DLGAP4: variants seen among roughly 807,000 people sequenced by gnomAD.
DLGAP4 encodes DLG associated protein 4, also known as disks large-associated protein 4.
In DLGAP4, 18 loss-of-function variants were observed where a neutral mutation model predicts 86.9. The observed-to-expected ratio is 0.21, with a 90% confidence interval of 0.14 to 0.31. DLGAP4 has a LOEUF of 0.31. Among genes scored for constraint, DLGAP4 ranks in the 10% least tolerant of loss-of-function variants. The pLI is 1.00. For missense variants in DLGAP4, 1,085 were observed against 1,362.6 expected, an observed-to-expected ratio of 0.80 and a Z score of 3.21; for synonymous variants, 548 against 574.3, an observed-to-expected ratio of 0.95 and a Z score of 0.65.
At chr20:36,416,705 T>C (rs538951621) in intron 2 of DLGAP4, among the ~76,000 whole-genome samples, 17 of 152,192 alleles carry the variant, frequency 1.1e-4, no homozygotes, top group Non-Finnish European at 2.5e-4. Flanking sequence ...TCTCTGAGCT[T>C]CAAGGATTTT....
intron 2 of DLGAP4, among the ~76,000 whole-genome samples, chr20:36,367,598 G>C (rs534959549): frequency 6.6e-6 from 1 of 152,190 alleles, no homozygotes; most frequent in African/African-American, 2.4e-5. Flanking sequence ...AGCAGGCGGG[G>C]ACAGGTTGTG....
In DLGAP4 at chr20:36,311,532, A is replaced by C. The variant is rs980801615; in HGVS notation, c.-304+5020A>C. Among the ~76,000 whole-genome samples the C allele has an allele frequency of 3.6e-3, 547 of 152,236 alleles. 3 individuals carry two copies. The highest frequency in any genetic ancestry group is 4.7e-3 in the Non-Finnish European group (317 of 67,994). On this transcript the variant is annotated intron_variant, in intron 1 of 12. Coordinates refer to ENST00000339266, the MANE Select transcript of DLGAP4 (RefSeq NM_001365621.2). The stretch of plus-strand genomic sequence containing the variant: ...GATCCCTACTGATGTTGACGATGAT[A>C]ATAATAATAATAACTGTATCACTGG...
At chr20:36,499,334 A>C (rs773820516) in intron 8 of DLGAP4, 1 of 1,612,244 alleles carries the variant, frequency 6.2e-7, no homozygotes, top group Non-Finnish European at 8.5e-7. Context: ...AGGGAAAGCC[A>C]GTCATCTCCA....
At chr20:36,519,252 C>T (rs1212085202) in intron 10 of DLGAP4, among the ~76,000 whole-genome samples, 1 of 152,140 alleles carries the variant, frequency 6.6e-6, no homozygotes. Flanking sequence ...GCACTCCAGC[C>T]TGGGTGACAA....
intron 2 of DLGAP4, among the ~76,000 whole-genome samples, chr20:36,401,710 A>G (rs1266596835): frequency 6.6e-6 from 1 of 152,200 alleles, no homozygotes; most frequent in African/African-American, 2.4e-5. Context: ...GGCAGCAACA[A>G]TAAGCACATA....
intron 10 of DLGAP4, among the ~76,000 whole-genome samples, chr20:36,514,456 G>C (rs2036918370): frequency 6.6e-6 from 1 of 152,106 alleles, no homozygotes; most frequent in Non-Finnish European, 1.5e-5. Context: ...TGTCACCCAG[G>C]CTGAAGTGCA....
chr20:36,498,991 G>C, intron 8 of DLGAP4: 1 of 496,776 alleles, frequency 2.0e-6, no homozygotes, highest in East Asian at 3.6e-5. Flanking sequence ...TGTGAATAAC[G>C]TCCAGGGACT....
intron 2 of DLGAP4, among the ~76,000 whole-genome samples, chr20:36,421,479 A>C (rs1387737713): frequency 6.7e-6 from 1 of 150,226 alleles, no homozygotes; most frequent in Non-Finnish European, 1.5e-5. Flanking sequence ...AAGAGAGAAT[A>C]GGTTTTAGTC....
At chr20:36,469,861 G>A (rs1261846640) in intron 7 of DLGAP4, among the ~76,000 whole-genome samples, 1 of 152,128 alleles carries the variant, frequency 6.6e-6, no homozygotes, top group African/African-American at 2.4e-5. Flanking sequence ...TCTCCCTGGG[G>A]GAACGTTGCC....
At position 36,379,315 on chromosome 20, in the gene DLGAP4, G is replaced by A. The variant is rs1277929082; in HGVS notation, c.-73+12040G>A. Among the ~76,000 whole-genome samples the A allele has an allele frequency of 2.0e-5, 3 of 152,206 alleles. No homozygotes were observed. In the East Asian group the frequency reaches 5.8e-4, roughly 29 times the overall value. Reference sequence around the variant, plus strand: ...TCTTGAGAAAGACTATTCTGGTGGTGGGTGCGGGATCCTGTCAGGGGGAAG... The same window carrying A: ...TCTTGAGAAAGACTATTCTGGTGGTAGGTGCGGGATCCTGTCAGGGGGAAG... On this transcript the variant is annotated intron_variant, in intron 2 of 12. Coordinates refer to ENST00000339266, the MANE Select transcript of DLGAP4 (RefSeq NM_001365621.2).
rs1324382799 is a variant in DLGAP4 at position 36,527,253 on chromosome 20, C to T, written c.*222C>T. Reference sequence around the variant, plus strand: ...TCACAAAAAAAATCAACAAAAATCACGAAACTAGAAAACTTTTTTTTTCCT... The same window carrying T: ...TCACAAAAAAAATCAACAAAAATCATGAAACTAGAAAACTTTTTTTTTCCT... On this transcript the variant is annotated 3_prime_UTR_variant, in exon 13 of 13. Coordinates refer to ENST00000339266, the MANE Select transcript of DLGAP4 (RefSeq NM_001365621.2). The T allele has an allele frequency of 1.1e-5, 5 of 463,346 alleles. No individual in the cohort carries two copies. Among genetic ancestry groups the T allele is most frequent in the South Asian group, 4.8e-5 (1 of 20,778 alleles). 28.7% of individuals were successfully genotyped at this position (463,346 alleles called of 1,614,324 possible). A position where few individuals can be genotyped will look rare whatever the true frequency, so the allele number is the denominator to read the frequency against.
intron 8 of DLGAP4, 75 bp from the exon 9 acceptor site, chr20:36,499,513 C>T (rs1218285542): frequency 1.2e-5 from 18 of 1,488,752 alleles, no homozygotes; most frequent in Non-Finnish European, 1.6e-5. Context: ...ATGTGAATTT[C>T]AGCAGCAAGT....
chr20:36,450,734 C>G (rs1306150414), intron 7 of DLGAP4, among the ~76,000 whole-genome samples: 1 of 152,184 alleles, frequency 6.6e-6, no homozygotes, highest in Non-Finnish European at 1.5e-5. Flanking sequence ...CAGTCTAACC[C>G]TCCCCAACCA....
Position 36,510,921 on chromosome 20 carries a change from T to C in DLGAP4, c.2512+10310T>C, listed in dbSNP as rs2037849075. 2.0e-5 allele frequency: 3 copies of C among 152,352 alleles called. No individual in the cohort carries two copies. The South Asian group carries it at 6.2e-4, about 32-fold the overall frequency. The allele number at this position is 152,352 out of a possible 1,614,324, so 9.4% of individuals were successfully genotyped here. On this transcript the variant is annotated intron_variant, in intron 10 of 12. Transcript: ENST00000339266. Reference sequence around the variant, plus strand: ...GCCTTGGTATCTGGTGAGTGCTCCTTCTTTATCCTTTTTGTGCAGAAAGAA... The same window carrying C: ...GCCTTGGTATCTGGTGAGTGCTCCTCCTTTATCCTTTTTGTGCAGAAAGAA...
chr20:36,482,968 G>A (rs1336588845), intron 7 of DLGAP4, among the ~76,000 whole-genome samples: 3 of 152,158 alleles, frequency 2.0e-5, no homozygotes, highest in East Asian at 3.8e-4. Flanking sequence ...CACCATGCCC[G>A]GCCAAATGGT....
chr20:36,506,722 T>C (rs1410624899), intron 10 of DLGAP4, among the ~76,000 whole-genome samples: 2 of 152,228 alleles, frequency 1.3e-5, no homozygotes, highest in Non-Finnish European at 2.9e-5. Flanking sequence ...GTCTGTGGCA[T>C]TAAATTCACA....
intron 2 of DLGAP4, among the ~76,000 whole-genome samples, chr20:36,370,176 G>T (rs1175541987): frequency 6.6e-6 from 1 of 152,154 alleles, no homozygotes; most frequent in African/African-American, 2.4e-5. Context: ...GGGTCTCCAA[G>T]GGGACAGAGC....
intron 2 of DLGAP4, among the ~76,000 whole-genome samples, chr20:36,425,450 A>G (rs2032948051): frequency 6.6e-6 from 1 of 152,188 alleles, no homozygotes; most frequent in Non-Finnish European, 1.5e-5. Context: ...AGATCTGGGA[A>G]AACTGGAACC....
chr20:36,313,256 A>G (rs2147333665), intron 1 of DLGAP4, among the ~76,000 whole-genome samples: 1 of 152,184 alleles, frequency 6.6e-6, no homozygotes, highest in East Asian at 1.9e-4. Context: ...GGTTTGCTAG[A>G]GACAGGGGGA....
Sources: allele counts gnomAD v4.1 joint callset (sites outside exome capture counted in the v4.1 genomes callset), GRCh38; gene constraint gnomAD v4.1.1; transcripts MANE v1.5; gene names NCBI Gene and HGNC (gene_info 2026-07-23, HGNC 2026-07-21).